The following SPTBN1 variants were observed in gnomAD, a reference collection of about 807,000 sequenced individuals.
The protein encoded by SPTBN1 is spectrin beta, non-erythrocytic 1, also known as spectrin beta chain, non-erythrocytic 1.
In SPTBN1, 32 loss-of-function variants were observed where a neutral mutation model predicts 266.4. The observed-to-expected ratio is 0.12, with a 90% CI of 0.09 to 0.16. The LOEUF (loss-of-function observed/expected upper bound fraction) is 0.16, where lower values mean the gene tolerates loss of function less well. Among genes scored for constraint, SPTBN1 ranks in the 10% least tolerant of loss-of-function variants. SPTBN1 has a pLI of 1.00. For synonymous variants in SPTBN1, 1,336 were observed against 1,162.2 expected (o/e 1.15, Z -3.04); for missense variants, 2,296 against 3,067.1 (o/e 0.75, Z 5.94).
intron 1 of SPTBN1, among the ~76,000 whole-genome samples, chr2:54,517,336 C>T (rs1256044961): frequency 6.6e-6 from 1 of 150,936 alleles, no homozygotes; most frequent in African/African-American, 2.5e-5. Flanking sequence ...AAATAGAGTT[C>T]ATATGTTAAT....
chr2:54,482,993 G>A (rs1017892779), intron 1 of SPTBN1, among the ~76,000 whole-genome samples: 3 of 152,206 alleles, frequency 2.0e-5, no homozygotes, highest in Admixed American at 6.5e-5. Context: ...AGGCTGGCCC[G>A]AAGGGGTGTG....
chr2:54,534,765 T>C (rs1338875383), intron 2 of SPTBN1, among the ~76,000 whole-genome samples: 1 of 152,206 alleles, frequency 6.6e-6, no homozygotes, highest in Non-Finnish European at 1.5e-5. Context: ...TCACAGTCGC[T>C]GAGGTGAGTG....
chr2:54,607,082 G>T (rs529126959), intron 3 of SPTBN1, among the ~76,000 whole-genome samples: 1 of 152,190 alleles, frequency 6.6e-6, no homozygotes, highest in Admixed American at 6.5e-5. Context: ...CTTTTTTTGG[G>T]GTAAGGAGGA....
intron 2 of SPTBN1, among the ~76,000 whole-genome samples, chr2:54,578,453 T>A (rs1674638133): frequency 1.3e-5 from 2 of 152,200 alleles, no homozygotes; most frequent in Admixed American, 1.3e-4. Flanking sequence ...CTGTTTCCGG[T>A]TAGCTGCTGC....
chr2:54,606,257 CTATTCAT>C (rs1332902564), intron 3 of SPTBN1, among the ~76,000 whole-genome samples: 1 of 152,216 alleles, frequency 6.6e-6, no homozygotes, highest in African/African-American at 2.4e-5. Flanking sequence ...CAGTCCCCAT[CTATTCAT>C]TATTCTCTTC....
chr2:54,499,897 A>G (rs966147390), intron 1 of SPTBN1, among the ~76,000 whole-genome samples: 2 of 152,220 alleles, frequency 1.3e-5, no homozygotes, highest in African/African-American at 4.8e-5. Flanking sequence ...TTAAAGTTGA[A>G]AAAGCATTGC....
chr2:54,475,013 A>C (rs1188727938), intron 1 of SPTBN1, among the ~76,000 whole-genome samples: 1 of 152,096 alleles, frequency 6.6e-6, no homozygotes, highest in African/African-American at 2.4e-5. Flanking sequence ...AAAACACAAA[A>C]AATTATAAAA....
chr2:54,562,418 G>A lies in SPTBN1; in HGVS notation c.148+35852G>A, dbSNP rs1182742220. ...TATTCCATTCAAATCTGGTAGGCAGGCCTACAGCTTTTTATAAAACCCATC... is the reference window on the plus strand; with the variant it reads ...TATTCCATTCAAATCTGGTAGGCAGACCTACAGCTTTTTATAAAACCCATC... On this transcript the variant is annotated intron_variant, in intron 2 of 35. Transcript: ENST00000356805. Among the ~76,000 whole-genome samples, 6 of 152,124 alleles carry A rather than the reference G, an allele frequency of 3.9e-5. No individual in the cohort carries two copies. The East Asian group carries it at 1.2e-3, about 29-fold the overall frequency.
At chr2:54,503,197 C>T (rs1669362729) in intron 1 of SPTBN1, among the ~76,000 whole-genome samples, 1 of 152,216 alleles carries the variant, frequency 6.6e-6, no homozygotes, top group Admixed American at 6.5e-5. Context: ...TGTCTCCATG[C>T]TGATATATTA....
rs1693904020 is a variant in SPTBN1 at position 54,471,256 on chromosome 2, T to C, written c.-48+14738T>C. Among the ~76,000 whole-genome samples the C allele has an allele frequency of 3.3e-5, 5 of 152,328 alleles. No individual in the cohort carries two copies. The South Asian group carries it at 1.0e-3, about 32-fold the overall frequency. ...AAAAAGAACAGAATGTAGGCAGTGGTGGCATGAGTAAGGTTCTAAGGTTTA... is the reference window on the plus strand; with the variant it reads ...AAAAAGAACAGAATGTAGGCAGTGGCGGCATGAGTAAGGTTCTAAGGTTTA... On this transcript the variant is annotated intron_variant, in intron 1 of 35. Coordinates refer to ENST00000356805, the MANE Select transcript of SPTBN1 (RefSeq NM_003128.3).
chr2:54,507,908 A>G (rs753304804), intron 1 of SPTBN1, among the ~76,000 whole-genome samples: 2 of 151,742 alleles, frequency 1.3e-5, no homozygotes, highest in Non-Finnish European at 2.9e-5. Flanking sequence ...CGGCTAGGAG[A>G]GAGTAACTGA....
intron 2 of SPTBN1, among the ~76,000 whole-genome samples, chr2:54,537,720 C>T (rs878914142): frequency 1.2e-4 from 18 of 152,198 alleles, no homozygotes; most frequent in Admixed American, 9.8e-4. Flanking sequence ...TTGTTAGTGA[C>T]CTTGTGTAAG....
intron 2 of SPTBN1, among the ~76,000 whole-genome samples, chr2:54,591,850 T>G (rs1427111839): frequency 6.6e-6 from 1 of 152,234 alleles, no homozygotes; most frequent in Non-Finnish European, 1.5e-5. Flanking sequence ...AGTGTTCATT[T>G]TTTCAGTTAT....
At chr2:54,596,840 A>G (rs950316208) in intron 2 of SPTBN1, among the ~76,000 whole-genome samples, 4 of 151,940 alleles carry the variant, frequency 2.6e-5, no homozygotes, top group South Asian at 2.1e-4. Flanking sequence ...CTCTGTAGGG[A>G]GGAGGGTTGG....
intron 1 of SPTBN1, among the ~76,000 whole-genome samples, chr2:54,463,683 A>G (rs1693485350): frequency 6.6e-6 from 1 of 152,214 alleles, no homozygotes; most frequent in Non-Finnish European, 1.5e-5. Context: ...AAAATGTGGA[A>G]TTTTTGCTTA....
At chr2:54,460,989 C>T (rs970990326) in intron 1 of SPTBN1, among the ~76,000 whole-genome samples, 3 of 152,090 alleles carry the variant, frequency 2.0e-5, no homozygotes, top group African/African-American at 4.8e-5. Flanking sequence ...GTGACAAGAG[C>T]GAGACTCTGT....
chr2:54,539,110 G>A (rs1467374704), intron 2 of SPTBN1, among the ~76,000 whole-genome samples: 1 of 152,080 alleles, frequency 6.6e-6, no homozygotes, highest in Non-Finnish European at 1.5e-5. Flanking sequence ...TACTTAGGTG[G>A]GTGTATCCAT....
chr2:54,472,342 A>G (rs566914483), intron 1 of SPTBN1, among the ~76,000 whole-genome samples: 26 of 152,166 alleles, frequency 1.7e-4, no homozygotes, highest in South Asian at 4.1e-4. Context: ...ATTTTTTTTA[A>G]AAGTCCTATA....
chr2:54,624,305 A>ATT (rs544202390), intron 10 of SPTBN1, among the ~76,000 whole-genome samples: 1 of 147,502 alleles, frequency 6.8e-6, no homozygotes, highest in East Asian at 2.0e-4. Context: ...GGAAGGTTTG[A>ATT]TTTTTTTTTT....
Sources: allele counts gnomAD v4.1 joint callset (sites outside exome capture counted in the v4.1 genomes callset), GRCh38; gene constraint gnomAD v4.1.1; transcripts MANE v1.5; gene names NCBI Gene and HGNC (gene_info 2026-07-23, HGNC 2026-07-21).